The following RIT2 variants were observed in gnomAD, a reference collection of about 807,000 sequenced individuals.
The protein encoded by RIT2 is Ras like without CAAX 2.
A neutral mutation model predicts 23.7 loss-of-function variants in RIT2; 24 were observed. The observed-to-expected ratio is 1.01, with a 90% CI of 0.73 to 1.43. RIT2 has a LOEUF of 1.43. Ranked by LOEUF, RIT2 falls within the 40% of genes most tolerant of loss-of-function variation. The pLI is 0.00. For synonymous variants in RIT2, 107 were observed against 91.1 expected, an observed-to-expected ratio of 1.17 and a Z score of -0.99; for missense variants, 236 against 266.9, an observed-to-expected ratio of 0.88 and a Z score of 0.81.
chr18:42,948,314 G>T (rs1909774075), intron 3 of RIT2, among the ~76,000 whole-genome samples: 1 of 151,994 alleles, frequency 6.6e-6, no homozygotes, highest in South Asian at 2.1e-4. Context: ...GAGAGGGGAG[G>T]TGTGGCGGTT....
intron 3 of RIT2, among the ~76,000 whole-genome samples, chr18:42,928,237 G>A (rs1909233146): frequency 6.6e-6 from 1 of 151,970 alleles, no homozygotes; most frequent in Admixed American, 6.6e-5. Flanking sequence ...GAACTTGTCT[G>A]GGTTGGAGAA....
At chr18:42,936,356 C>A (rs1194188730) in intron 3 of RIT2, among the ~76,000 whole-genome samples, 1 of 152,168 alleles carries the variant, frequency 6.6e-6, no homozygotes, top group Non-Finnish European at 1.5e-5. Flanking sequence ...CCAGCTTTTG[C>A]CATAACAAAA....
intron 2 of RIT2, among the ~76,000 whole-genome samples, chr18:42,981,163 A>T (rs1910589212): frequency 6.6e-6 from 1 of 152,050 alleles, no homozygotes; most frequent in Non-Finnish European, 1.5e-5. Flanking sequence ...GAAGAGAAGA[A>T]AATAATCTTT....
chr18:42,785,039 G>A (rs1429373378), intron 4 of RIT2, among the ~76,000 whole-genome samples: 2 of 152,008 alleles, frequency 1.3e-5, no homozygotes, highest in Non-Finnish European at 2.9e-5. Flanking sequence ...ACATATAAAA[G>A]CATTTGTTAA....
intron 1 of RIT2, among the ~76,000 whole-genome samples, chr18:43,052,115 A>G (rs187324108): frequency 6.6e-6 from 1 of 152,236 alleles, no homozygotes; most frequent in East Asian, 1.9e-4. Flanking sequence ...TCTTGCTACC[A>G]TTGTTCATCT....
intron 1 of RIT2, among the ~76,000 whole-genome samples, chr18:43,056,896 C>T (rs1469592972): frequency 6.6e-6 from 1 of 152,076 alleles, no homozygotes; most frequent in Non-Finnish European, 1.5e-5. Flanking sequence ...TGCTTCCTTA[C>T]TCTTGCCCCT....
At chr18:43,102,972 T>A (rs1329150431) in intron 1 of RIT2, among the ~76,000 whole-genome samples, 2 of 152,096 alleles carry the variant, frequency 1.3e-5, no homozygotes, top group African/African-American at 2.4e-5. Context: ...AGCATTTATA[T>A]CTTAATTGTT....
intron 4 of RIT2, among the ~76,000 whole-genome samples, chr18:42,778,528 T>C (rs1436597561): frequency 1.3e-5 from 2 of 152,154 alleles, no homozygotes; most frequent in African/African-American, 4.8e-5. Context: ...ACACAATAAA[T>C]ATATTTTAAC....
At chr18:42,879,049 A>C (rs1288086382) in intron 4 of RIT2, among the ~76,000 whole-genome samples, 3 of 151,770 alleles carry the variant, frequency 2.0e-5, no homozygotes, top group Non-Finnish European at 4.4e-5. Flanking sequence ...AATTATTCTC[A>C]TTTTCTCTCA....
chr18:43,032,726 T>C (rs1447573421), intron 2 of RIT2, among the ~76,000 whole-genome samples: 1 of 152,082 alleles, frequency 6.6e-6, no homozygotes, highest in Non-Finnish European at 1.5e-5. Context: ...TTACTTCAAC[T>C]GATGAGGTGG....
chr18:42,936,812 G>A (rs957355705), intron 3 of RIT2, among the ~76,000 whole-genome samples: 4 of 152,056 alleles, frequency 2.6e-5, no homozygotes. Flanking sequence ...AGGAGTTCGA[G>A]ACCAGCTTGA....
chr18:43,070,531 A>G (rs1472305781), intron 1 of RIT2, among the ~76,000 whole-genome samples: 1 of 152,218 alleles, frequency 6.6e-6, no homozygotes, highest in East Asian at 1.9e-4. Context: ...TCAAAGAAAG[A>G]AACATGATGA....
At chr18:42,958,712 G>A (rs673709) in intron 3 of RIT2, among the ~76,000 whole-genome samples, 121,796 of 151,944 alleles carry the variant, frequency 0.8, 49,553 homozygotes, top group African/African-American at 0.95. Flanking sequence ...CCCAAATCCT[G>A]TCTCTACATC....
intron 3 of RIT2, 57 bp from the exon 4 acceptor site, chr18:42,923,820 G>C: frequency 2.2e-6 from 3 of 1,335,950 alleles, no homozygotes; most frequent in Non-Finnish European, 3.1e-6. Context: ...TAATTAATAT[G>C]AGGTTTAAAT....
Position 42,744,539 on chromosome 18 carries a change from A to G in RIT2, c.427-819T>C, listed in dbSNP as rs1912873521. On this transcript the variant is annotated intron_variant, in intron 4 of 4. Coordinates refer to ENST00000326695, the MANE Select transcript of RIT2 (RefSeq NM_002930.4). ...TTGTTTCAAATACCAGTTCAACTGC[A>G]TTTTAGCTTTGCAAACTTGGTTAAT... is the stretch of plus-strand genomic sequence containing the variant. 1.3e-5 allele frequency among the ~76,000 whole-genome samples: 2 copies of G among 152,126 alleles called. 1 individual carries two copies. The highest frequency in any genetic ancestry group is 4.8e-5 in the African/African-American group (2 of 41,428).
intron 1 of RIT2, among the ~76,000 whole-genome samples, chr18:43,056,032 G>T (rs1323310126): frequency 6.6e-6 from 1 of 152,004 alleles, no homozygotes; most frequent in Non-Finnish European, 1.5e-5. Flanking sequence ...AGTGTGTGTG[G>T]ATAATCTACA....
chr18:43,090,901 C>T (rs1401171382), intron 1 of RIT2, among the ~76,000 whole-genome samples: 1 of 151,608 alleles, frequency 6.6e-6, no homozygotes, highest in Non-Finnish European at 1.5e-5. Flanking sequence ...GGAAAAGGAT[C>T]AGAAAAAATA....
chr18:42,937,301 C>T (rs1909484219), intron 3 of RIT2, among the ~76,000 whole-genome samples: 1 of 152,048 alleles, frequency 6.6e-6, no homozygotes, highest in Non-Finnish European at 1.5e-5. Flanking sequence ...AAGTAAAATC[C>T]CTAATTGCAA....
chr18:42,929,066 A>ATATATATATAT (rs1568032674), intron 3 of RIT2, among the ~76,000 whole-genome samples: 4 of 43,348 alleles, frequency 9.2e-5, no homozygotes, highest in African/African-American at 2.9e-4. Flanking sequence ...TATTTATATG[A>ATATATATATAT]GACAAATAAA....
Sources: gnomAD v4.1 joint callset for allele counts (sites outside exome capture counted in the v4.1 genomes callset) on GRCh38, gnomAD v4.1.1 for gene constraint, MANE v1.5 for transcripts, NCBI Gene and HGNC (gene_info 2026-07-23, HGNC 2026-07-21) for gene names.